The following TFPI variants were observed in gnomAD, a reference collection of about 807,000 sequenced individuals.
TFPI encodes the protein anti-convertin.
In TFPI, 15 loss-of-function variants were observed where a neutral mutation model predicts 34.6. The ratio of observed to expected loss-of-function variants is 0.43; its 90% CI spans 0.29 to 0.67. The LOEUF (loss-of-function observed/expected upper bound fraction) is 0.67. Ranked by LOEUF, TFPI falls within the 30% of genes least tolerant of loss-of-function variation. The pLI is 0.15. For synonymous variants in TFPI, 105 were observed against 120.1 expected (o/e 0.87, Z 0.82); for missense variants, 301 against 364.0 (o/e 0.83, Z 1.41).
At chr2:187,490,664 C>A (rs957007976) in intron 3 of TFPI, among the ~76,000 whole-genome samples, 18 of 151,608 alleles carry the variant, frequency 1.2e-4, no homozygotes, top group Non-Finnish European at 2.2e-4. Flanking sequence ...TTTTTGCATA[C>A]AGAGTGATAA....
chr2:187,528,715 A>G (rs1687805369), intron 1 of TFPI, among the ~76,000 whole-genome samples: 2 of 152,194 alleles, frequency 1.3e-5, no homozygotes, highest in Admixed American at 1.3e-4. Flanking sequence ...AAAGAACATT[A>G]TCTTATGCTC....
At chr2:187,509,195 T>A (rs1161257052) in intron 1 of TFPI, among the ~76,000 whole-genome samples, 1 of 152,194 alleles carries the variant, frequency 6.6e-6, no homozygotes, top group Non-Finnish European at 1.5e-5. Context: ...GGATTTGGTT[T>A]GCCAGTATTT....
At chr2:187,523,214 CTTTG>C (rs971360686) in intron 1 of TFPI, among the ~76,000 whole-genome samples, 20 of 152,142 alleles carry the variant, frequency 1.3e-4, no homozygotes, top group Middle Eastern at 3.4e-3. Flanking sequence ...AAGGAACCAA[CTTTG>C]TTTAAGTGAA....
chr2:187,503,881 A>C, intron 1 of TFPI, 111 bp from the exon 2 acceptor site: 1 of 1,145,638 alleles, frequency 8.7e-7, no homozygotes. Flanking sequence ...ATGCCATTTT[A>C]TGTGTATACA....
intron 3 of TFPI, among the ~76,000 whole-genome samples, chr2:187,494,716 T>G (rs2106072379): frequency 6.6e-6 from 1 of 152,262 alleles, no homozygotes; most frequent in East Asian, 1.9e-4. Flanking sequence ...ATTCATACAA[T>G]AATTGCAAGT....
chr2:187,547,959 T>C (rs186399637), intron 1 of TFPI, among the ~76,000 whole-genome samples: 45 of 152,238 alleles, frequency 3.0e-4, no homozygotes, highest in East Asian at 2.9e-3. Flanking sequence ...TTTTTGGAAG[T>C]TACATCAAAT....
chr2:187,486,592 T>G (rs1027183743), intron 4 of TFPI, among the ~76,000 whole-genome samples: 3 of 151,660 alleles, frequency 2.0e-5, no homozygotes, highest in Non-Finnish European at 4.4e-5. Context: ...TGAACTTATG[T>G]GAAGACAAAG....
At chr2:187,467,528 A>G (rs1356533546) in intron 7 of TFPI, among the ~76,000 whole-genome samples, 3 of 152,166 alleles carry the variant, frequency 2.0e-5, no homozygotes, top group Non-Finnish European at 2.9e-5. Context: ...AAAGAATAAC[A>G]TGTTTAATTT....
At chr2:187,539,514 T>C (rs1688454995) in intron 1 of TFPI, among the ~76,000 whole-genome samples, 1 of 152,216 alleles carries the variant, frequency 6.6e-6, no homozygotes, top group Admixed American at 6.5e-5. Context: ...AGCCTATTTG[T>C]GTTTACGAGT....
intron 6 of TFPI, chr2:187,478,622 T>C (rs1401538452): frequency 1.9e-6 from 3 of 1,581,132 alleles, no homozygotes; most frequent in Admixed American, 1.8e-5. Context: ...CAGTATGCTA[T>C]CAAAGGCATC....
chr2:187,549,316 A>G (rs1200946253), intron 1 of TFPI, among the ~76,000 whole-genome samples: 2 of 152,116 alleles, frequency 1.3e-5, no homozygotes, highest in Admixed American at 6.6e-5. Context: ...AGCTTTCTTT[A>G]TATGAATGTA....
At chr2:187,499,214 A>G (rs934743496) in intron 2 of TFPI, among the ~76,000 whole-genome samples, 1 of 151,910 alleles carries the variant, frequency 6.6e-6, no homozygotes, top group African/African-American at 2.4e-5. Context: ...AGGCATATAG[A>G]GAGTTTCTGG....
At chr2:187,480,749 A>G (rs1692794554) in intron 6 of TFPI, among the ~76,000 whole-genome samples, 1 of 152,144 alleles carries the variant, frequency 6.6e-6, no homozygotes, top group Non-Finnish European at 1.5e-5. Flanking sequence ...TAATGCACTC[A>G]CGCTCAGGGA....
chr2:187,480,088 G>C (rs1229343952), intron 6 of TFPI, among the ~76,000 whole-genome samples: 1 of 151,870 alleles, frequency 6.6e-6, no homozygotes, highest in African/African-American at 2.4e-5. Flanking sequence ...CAAACTCTTC[G>C]AGTTTCCATA....
At chr2:187,519,475 G>A (rs760866260) in intron 1 of TFPI, 1 of 154,026 alleles carries the variant, frequency 6.5e-6, no homozygotes, top group African/African-American at 2.4e-5. Context: ...CACCAGCAGA[G>A]GCTGCAGAAC....
chr2:187,467,939 A>G lies in TFPI; in HGVS notation c.629-7T>C. 1 of 1,562,510 alleles carries G rather than the reference A, an allele frequency of 6.4e-7. No homozygotes were observed. The highest frequency in any genetic ancestry group is 1.7e-4 in the Middle Eastern group (1 of 5,836). On this transcript the variant is annotated splice_polypyrimidine_tract_variant and splice_region_variant and intron_variant, in intron 6 of 7. Transcript: ENST00000233156. ...CATGAGGGACCGTGAAATTCTAAAA[A>G]CAATCAGGAAAACATGGTAAGCCAT...
chr2:187,488,422 G>A (rs1693449157), intron 3 of TFPI, 47 bp from the exon 4 acceptor site: 7 of 1,224,622 alleles, frequency 5.7e-6, no homozygotes, highest in Non-Finnish European at 6.7e-6. Context: ...AATTTATAAA[G>A]TAATACTATG....
At chr2:187,487,251 T>A (rs1163289022) in intron 4 of TFPI, among the ~76,000 whole-genome samples, 1 of 151,464 alleles carries the variant, frequency 6.6e-6, no homozygotes, top group Non-Finnish European at 1.5e-5. Flanking sequence ...ATATTACAGA[T>A]AAGGCCTTCA....
intron 1 of TFPI, among the ~76,000 whole-genome samples, chr2:187,511,679 G>A (rs913103542): frequency 1.3e-5 from 2 of 152,106 alleles, no homozygotes; most frequent in African/African-American, 4.8e-5. Flanking sequence ...TCAAAGGTAT[G>A]GCACAAGGTA....
Sources: allele counts gnomAD v4.1 joint callset (sites outside exome capture counted in the v4.1 genomes callset), GRCh38; gene constraint gnomAD v4.1.1; transcripts MANE v1.5; gene names NCBI Gene and HGNC (gene_info 2026-07-23, HGNC 2026-07-21).